Variants in FRMD4A observed in about 807,000 individuals in gnomAD.
FRMD4A encodes the protein FERM domain containing 4A, also known as FERM domain-containing protein 4A.
FRMD4A carries 29 observed loss-of-function variants against 129.1 expected under a neutral mutation model. That is an observed-to-expected ratio of 0.22 (90% CI 0.17 to 0.31). The LOEUF (loss-of-function observed/expected upper bound fraction) is 0.31. Among genes scored for constraint, FRMD4A ranks in the 10% least tolerant of loss-of-function variants. The probability of loss-of-function intolerance (pLI) is 1.00; values close to 1 mark genes in which losing one functional copy is unlikely to be tolerated. For missense variants in FRMD4A, 1,272 were observed against 1,375.8 expected, an observed-to-expected ratio of 0.92 and a Z score of 1.19; for synonymous variants, 634 against 571.6, an observed-to-expected ratio of 1.11 and a Z score of -1.56.
chr10:13,751,813 C>A (rs147602692), intron 8 of FRMD4A, among the ~76,000 whole-genome samples: 1 of 152,034 alleles, frequency 6.6e-6, no homozygotes, highest in Non-Finnish European at 1.5e-5. Context: ...GAGTTTGAGA[C>A]CAGCCTGGGC....
chr10:14,008,212 T>TGTGTGTGTGTGTGTG, intron 2 of FRMD4A: 3 of 279,266 alleles, frequency 1.1e-5, no homozygotes, highest in African/African-American at 1.4e-4. Flanking sequence ...GTGTGTGTGT[T>TGTGTGTGTGTGTGTG]CCCAGCAAAG....
intron 2 of FRMD4A, among the ~76,000 whole-genome samples, chr10:13,867,600 T>A (rs866864706): frequency 1.4e-5 from 1 of 71,202 alleles, no homozygotes; most frequent in Non-Finnish European, 2.6e-5. Context: ...ATAATATATA[T>A]TATATATTAT....
At position 13,997,155 on chromosome 10, in the gene FRMD4A, T is replaced by C. The variant is rs559145980; in HGVS notation, c.46-138243A>G. ...TTCATCTTCTCTCTTGCCTTTTTTT[T>C]TGCATGGGTTGTGGAAGCTGGAAAA... On this transcript the variant is annotated intron_variant, in intron 2 of 24. Coordinates refer to ENST00000357447, the MANE Select transcript of FRMD4A (RefSeq NM_018027.5). Among the ~76,000 whole-genome samples the C allele has an allele frequency of 1.5e-4, 23 of 152,312 alleles. 1 individual carries two copies. The highest frequency in any genetic ancestry group is 1.2e-3 in the Admixed American group (19 of 15,302).
intron 23 of FRMD4A, chr10:13,653,494 C>G (rs1203462429): frequency 6.6e-6 from 1 of 152,158 alleles, no homozygotes; most frequent in African/African-American, 2.4e-5. Context: ...GACTCCGTCT[C>G]AAAAAAAGGC....
intron 2 of FRMD4A, among the ~76,000 whole-genome samples, chr10:13,897,830 C>T (rs973937917): frequency 2.7e-5 from 4 of 150,140 alleles, no homozygotes; most frequent in Non-Finnish European, 5.9e-5. Flanking sequence ...CCCAGCTACT[C>T]AGAAGGCTGA....
At position 13,713,825 on chromosome 10, in the gene FRMD4A, TATACATATATGTAATATATATAC is replaced by T. The variant is rs2088307978; in HGVS notation, c.760-6735_760-6713del. 3.2e-5 allele frequency among the ~76,000 whole-genome samples: 2 copies of T among 62,076 alleles called. 1 individual carries two copies. The highest frequency in any genetic ancestry group is 5.5e-5 in the Non-Finnish European group (2 of 36,256). The allele number at this position is 62,076 out of a possible 152,430, so 40.7% of individuals were successfully genotyped here. On this transcript the variant is annotated intron_variant, in intron 12 of 24. Coordinates refer to ENST00000357447, the MANE Select transcript of FRMD4A (RefSeq NM_018027.5). ...TATATATACACATATATATAATATA[TATACATATATGTAATATATATAC>T]ACATATATATAATATATATACATAT... is the stretch of plus-strand genomic sequence containing the variant.
chr10:14,319,367 T>TCTCTCTCACA (rs112041665), intron 2 of FRMD4A, among the ~76,000 whole-genome samples: 2 of 145,156 alleles, frequency 1.4e-5, no homozygotes, highest in East Asian at 4.0e-4. Context: ...TCTCTCTCTC[T>TCTCTCTCACA]CACACACACA....
chr10:13,890,889 G>C, intron 2 of FRMD4A: 1 of 981,488 alleles, frequency 1.0e-6, no homozygotes. Flanking sequence ...AAATTTCGCA[G>C]AATACGCCTG....
At position 14,015,120 on chromosome 10, in the gene FRMD4A, C is replaced by G. The variant is rs544432021; in HGVS notation, c.46-156208G>C. 1.5e-4 allele frequency among the ~76,000 whole-genome samples: 17 copies of G among 110,686 alleles called. 1 individual carries two copies. The South Asian group carries it at 6.1e-3, about 40-fold the overall frequency. 72.6% of individuals were successfully genotyped at this position (110,686 alleles called of 152,430 possible). On this transcript the variant is annotated intron_variant, in intron 2 of 24. Coordinates refer to ENST00000357447, the MANE Select transcript of FRMD4A (RefSeq NM_018027.5). ...CCTCCCACCCTTCCTTTCATCCTTT[C>G]TTCTCTTCCCTTTCTCCTTCCTTCC...
At chr10:14,040,890 T>C (rs943750744) in intron 2 of FRMD4A, among the ~76,000 whole-genome samples, 2 of 152,084 alleles carry the variant, frequency 1.3e-5, no homozygotes, top group Admixed American at 6.5e-5. Flanking sequence ...AAAAGAAATA[T>C]ACAGGGTGTG....
chr10:14,234,660 C>T (rs1843741528), intron 2 of FRMD4A, among the ~76,000 whole-genome samples: 1 of 152,228 alleles, frequency 6.6e-6, no homozygotes, highest in Non-Finnish European at 1.5e-5. Flanking sequence ...AGGGCCCTGG[C>T]TTTGTTCTAC....
chr10:14,063,364 G>T (rs1428496082), intron 2 of FRMD4A, among the ~76,000 whole-genome samples: 8 of 151,988 alleles, frequency 5.3e-5, no homozygotes, highest in Admixed American at 5.2e-4. Flanking sequence ...TTGGCTCATC[G>T]AAATGAGCCA....
At chr10:14,292,449 G>T (rs1391105963) in intron 2 of FRMD4A, among the ~76,000 whole-genome samples, 4 of 152,100 alleles carry the variant, frequency 2.6e-5, no homozygotes, top group African/African-American at 9.7e-5. Context: ...ACCTTAAATG[G>T]CATATCCTCC....
In FRMD4A at chr10:14,257,564, A is replaced by T. The variant is rs192438130; in HGVS notation, c.45+72494T>A. Among the ~76,000 whole-genome samples the T allele has an allele frequency of 5.1e-3, 773 of 152,302 alleles. 4 individuals are homozygous for T. The highest frequency in any genetic ancestry group is 5.5e-3 in the Non-Finnish European group (371 of 68,024). ...GGTGCCTTACAATGTGATCTTATTT[A>T]AAAACTGGATATTTGCAGGTGTAAT... is the stretch of plus-strand genomic sequence containing the variant. On this transcript the variant is annotated intron_variant, in intron 2 of 24. Coordinates refer to ENST00000357447, the MANE Select transcript of FRMD4A (RefSeq NM_018027.5).
intron 2 of FRMD4A, among the ~76,000 whole-genome samples, chr10:14,248,263 T>TA (rs1589225814): frequency 1.3e-5 from 2 of 152,274 alleles, no homozygotes; most frequent in African/African-American, 2.4e-5. Context: ...ATCAACACTT[T>TA]AAAAAAATCC....
At chr10:13,766,441 CG>C (rs1376696801) in intron 6 of FRMD4A, among the ~76,000 whole-genome samples, 4 of 152,142 alleles carry the variant, frequency 2.6e-5, no homozygotes, top group Admixed American at 2.6e-4. Flanking sequence ...AAGATTCAAG[CG>C]CCCCAGGCAT....
At chr10:14,129,403 T>TATATATATAC (rs1839116784) in intron 2 of FRMD4A, among the ~76,000 whole-genome samples, 1 of 129,506 alleles carries the variant, frequency 7.7e-6, no homozygotes, top group Non-Finnish European at 1.6e-5. Flanking sequence ...TATATATATA[T>TATATATATAC]ATATAAAAAA....
intron 15 of FRMD4A, chr10:13,685,743 G>A (rs752284808): frequency 1.1e-5 from 5 of 467,592 alleles, no homozygotes; most frequent in Non-Finnish European, 1.4e-5. Context: ...AGGAGTTTGA[G>A]GCTGGAGTGA....
intron 2 of FRMD4A, among the ~76,000 whole-genome samples, chr10:14,046,784 G>A (rs1834008131): frequency 6.6e-6 from 1 of 152,192 alleles, no homozygotes; most frequent in Non-Finnish European, 1.5e-5. Flanking sequence ...CCTGAAGACT[G>A]GGTAAGGAAA....
Sources: allele counts gnomAD v4.1 joint callset (sites outside exome capture counted in the v4.1 genomes callset), GRCh38; gene constraint gnomAD v4.1.1; transcripts MANE v1.5; gene names NCBI Gene and HGNC (gene_info 2026-07-23, HGNC 2026-07-21).